Variants in WWOX observed in about 807,000 individuals in gnomAD.
The protein encoded by WWOX is WW domain containing oxidoreductase, also known as WW domain-containing oxidoreductase.
In WWOX, 69 loss-of-function variants were observed where a neutral mutation model predicts 46.2. The observed-to-expected ratio is 1.49, with a 90% CI of 1.23 to 1.82. The LOEUF is 1.82. Ranked by LOEUF, WWOX falls within the 40% of genes most tolerant of loss-of-function variation. WWOX has a pLI of 0.00. For synonymous variants in WWOX, 359 were observed against 202.6 expected (o/e 1.77, Z -6.56); for missense variants, 919 against 542.6 (o/e 1.69, Z -6.89).
At chr16:78,596,197 A>G (rs1241323965) in intron 8 of WWOX, among the ~76,000 whole-genome samples, 1 of 152,228 alleles carries the variant, frequency 6.6e-6, no homozygotes, top group Non-Finnish European at 1.5e-5. Flanking sequence ...AAAACAAAAC[A>G]TGATATCCAA....
rs981563960 is a variant in WWOX at position 78,344,623 on chromosome 16, C to T, written c.517-42237C>T. 4.9e-4 allele frequency among the ~76,000 whole-genome samples: 60 copies of T among 121,256 alleles called. 12 individuals carry two copies. Among genetic ancestry groups the T allele is most frequent in the African/African-American group, 1.5e-3 (55 of 35,760 alleles). The allele number at this position is 121,256 out of a possible 152,430, so 79.5% of individuals were successfully genotyped here. A position where few individuals can be genotyped will look rare whatever the true frequency, so the allele number is the denominator to read the frequency against. ...CCTACTTCGGTAGATACTGGCTGTA[C>T]AGAAGGGAACCCCAGTTTCAATGAG... is the stretch of plus-strand genomic sequence containing the variant. On this transcript the variant is annotated intron_variant, in intron 5 of 8. Transcript: ENST00000566780.
intron 8 of WWOX, among the ~76,000 whole-genome samples, chr16:79,194,507 A>G (rs2051199194): frequency 6.6e-6 from 1 of 152,182 alleles, no homozygotes. Flanking sequence ...TTGTAAGGAC[A>G]CAAGTGGTTT....
At chr16:78,887,409 A>G (rs1403324977) in intron 8 of WWOX, among the ~76,000 whole-genome samples, 1 of 151,234 alleles carries the variant, frequency 6.6e-6, no homozygotes, top group African/African-American at 2.4e-5. Context: ...CACCTGTTTG[A>G]TATTTACACA....
At chr16:78,792,359 A>C (rs1197440104) in intron 8 of WWOX, among the ~76,000 whole-genome samples, 1 of 152,118 alleles carries the variant, frequency 6.6e-6, no homozygotes, top group African/African-American at 2.4e-5. Context: ...TTTCATGGTT[A>C]AAGGTAGAAA....
intron 8 of WWOX, among the ~76,000 whole-genome samples, chr16:78,949,045 T>G (rs2046005604): frequency 6.6e-6 from 1 of 152,128 alleles, no homozygotes; most frequent in African/African-American, 2.4e-5. Flanking sequence ...ACTAGCTCTT[T>G]CTGACAGCCA....
rs79959151 is a variant in WWOX at position 79,060,395 on chromosome 16, T to G, written c.1057-151213T>G. ...GTTAATTGGTAAGGTTCTTGAAAAC[T>G]GAAGTGATGGTATCAGCATGGATGC... On this transcript the variant is annotated intron_variant, in intron 8 of 8. Transcript: ENST00000566780. Among the ~76,000 whole-genome samples the G allele has an allele frequency of 3.1e-3, 478 of 152,358 alleles. 2 individuals carry two copies. Among genetic ancestry groups the G allele is most frequent in the African/African-American group, 0.011 (461 of 41,586 alleles).
At chr16:78,785,624 C>A (rs1401687104) in intron 8 of WWOX, among the ~76,000 whole-genome samples, 2 of 152,170 alleles carry the variant, frequency 1.3e-5, no homozygotes, top group Non-Finnish European at 2.9e-5. Context: ...TTACCAAATG[C>A]TTCTGATTTT....
intron 8 of WWOX, among the ~76,000 whole-genome samples, chr16:78,608,695 C>G (rs576504216): frequency 6.6e-6 from 1 of 152,218 alleles, no homozygotes; most frequent in East Asian, 1.9e-4. Context: ...ACAGGCATTA[C>G]TGACATGACG....
intron 8 of WWOX, among the ~76,000 whole-genome samples, chr16:79,057,434 T>G (rs531487671): frequency 6.6e-6 from 1 of 152,326 alleles, no homozygotes; most frequent in East Asian, 1.9e-4. Context: ...TAGTTTCTTG[T>G]GATAGGTTCA....
intron 8 of WWOX, among the ~76,000 whole-genome samples, chr16:79,079,846 C>T (rs1303678344): frequency 6.6e-6 from 1 of 152,142 alleles, no homozygotes; most frequent in Non-Finnish European, 1.5e-5. Context: ...ACAACATATG[C>T]TTCTCTGGGC....
intron 8 of WWOX, among the ~76,000 whole-genome samples, chr16:78,965,139 A>C (rs1357156738): frequency 2.0e-5 from 3 of 152,256 alleles, no homozygotes; most frequent in Non-Finnish European, 4.4e-5. Context: ...ATACTGGGGC[A>C]CTGCCCAGTG....
intron 8 of WWOX, among the ~76,000 whole-genome samples, chr16:78,809,806 G>A (rs1258171440): frequency 6.6e-6 from 1 of 152,168 alleles, no homozygotes; most frequent in African/African-American, 2.4e-5. Context: ...CAGTGTGTGA[G>A]CTCCTAAAAG....
intron 8 of WWOX, among the ~76,000 whole-genome samples, chr16:79,114,443 C>T (rs1041849099): frequency 1.3e-5 from 2 of 151,454 alleles, no homozygotes; most frequent in African/African-American, 2.4e-5. Context: ...CATGCACACA[C>T]GTGTGCACAC....
intron 8 of WWOX, among the ~76,000 whole-genome samples, chr16:78,507,843 G>A: frequency 6.6e-6 from 1 of 152,150 alleles, no homozygotes; most frequent in East Asian, 1.9e-4. Flanking sequence ...GTTCAGACAA[G>A]CTTGTCCAAC....
chr16:78,426,437 G>A (rs563965150), intron 7 of WWOX, among the ~76,000 whole-genome samples: 5 of 152,252 alleles, frequency 3.3e-5, no homozygotes, highest in East Asian at 1.9e-4. Flanking sequence ...TTCGTGTGAC[G>A]TCTTTGTTCT....
intron 8 of WWOX, among the ~76,000 whole-genome samples, chr16:78,489,765 A>C (rs1291955544): frequency 6.6e-6 from 1 of 150,778 alleles, no homozygotes; most frequent in Non-Finnish European, 1.5e-5. Context: ...GAGTTTGGAA[A>C]CCCTCCTAAC....
intron 8 of WWOX, among the ~76,000 whole-genome samples, chr16:78,642,538 C>G (rs977613720): frequency 6.6e-6 from 1 of 152,072 alleles, no homozygotes; most frequent in African/African-American, 2.4e-5. Context: ...GTTATTTGTT[C>G]CTGTGATTTT....
intron 8 of WWOX, among the ~76,000 whole-genome samples, chr16:78,871,022 C>T (rs2044116353): frequency 6.6e-6 from 1 of 152,206 alleles, no homozygotes; most frequent in Non-Finnish European, 1.5e-5. Context: ...GTTAATTCTT[C>T]TGGGGAAATT....
intron 8 of WWOX, among the ~76,000 whole-genome samples, chr16:78,850,324 A>C: frequency 6.6e-6 from 1 of 152,192 alleles, no homozygotes; most frequent in East Asian, 1.9e-4. Flanking sequence ...CCATAATATT[A>C]GTTATAATAC....
Sources: allele counts gnomAD v4.1 joint callset (sites outside exome capture counted in the v4.1 genomes callset), GRCh38; gene constraint gnomAD v4.1.1; transcripts MANE v1.5; gene names NCBI Gene and HGNC (gene_info 2026-07-23, HGNC 2026-07-21).